PLAC8L1: variants seen among roughly 807,000 people sequenced by gnomAD.
PLAC8L1 encodes the protein PLAC8-like protein 1.
A neutral mutation model predicts 16.3 loss-of-function variants in PLAC8L1; 13 were observed. The observed-to-expected ratio is 0.80, with a 90% CI of 0.52 to 1.27. The LOEUF is 1.27. Ranked by LOEUF, PLAC8L1 falls within the 50% of genes most tolerant of loss-of-function variation. The probability of loss-of-function intolerance (pLI) is 0.00; values close to 1 mark genes in which losing one functional copy is unlikely to be tolerated. For synonymous variants in PLAC8L1, 78 were observed against 79.3 expected (o/e 0.98, Z 0.09); for missense variants, 184 against 220.2 (o/e 0.84, Z 1.04).
chr5:146,101,877 T>C (rs1763823748), intron 1 of PLAC8L1, among the ~76,000 whole-genome samples: 1 of 152,218 alleles, frequency 6.6e-6, no homozygotes, highest in African/African-American at 2.4e-5. Context: ...AGGGATTTCT[T>C]AGGGCAGCCT....
intron 3 of PLAC8L1, among the ~76,000 whole-genome samples, chr5:146,084,930 T>C (rs993909091): frequency 2.6e-5 from 4 of 152,184 alleles, no homozygotes; most frequent in Admixed American, 2.0e-4. Context: ...TAAGAAGGGA[T>C]AGGAAGCAAA....
intron 2 of PLAC8L1, among the ~76,000 whole-genome samples, chr5:146,085,964 A>G (rs939782921): frequency 6.6e-6 from 1 of 151,440 alleles, no homozygotes; most frequent in Admixed American, 6.6e-5. Flanking sequence ...TAAAATAAAC[A>G]TGGTATACAG....
chr5:146,103,920 T>A lies in PLAC8L1; in HGVS notation c.119+273A>T, dbSNP rs1021625240. ...TCAAAAGGGTGGAAATGATTGGCAGTCTCTAAAAATAAAGTTCCACTTGGT... is the reference window on the plus strand; with the variant it reads ...TCAAAAGGGTGGAAATGATTGGCAGACTCTAAAAATAAAGTTCCACTTGGT... On this transcript the variant is annotated intron_variant, in intron 1 of 3. Transcript: ENST00000311450. 22 of 985,298 alleles carry A rather than the reference T, an allele frequency of 2.2e-5. No individual in the cohort carries two copies. In the African/African-American group the frequency reaches 3.7e-4, roughly 16 times the overall value. The allele number at this position is 985,298 out of a possible 1,614,324, so 61.0% of individuals were successfully genotyped here.
chr5:146,093,465 C>T (rs916502730), intron 2 of PLAC8L1, among the ~76,000 whole-genome samples: 4 of 152,302 alleles, frequency 2.6e-5, no homozygotes, highest in South Asian at 2.1e-4. Flanking sequence ...GTCTTTGCCA[C>T]GCACGTTGCA....
At chr5:146,095,087 G>A (rs576895767) in intron 2 of PLAC8L1, among the ~76,000 whole-genome samples, 20 of 152,280 alleles carry the variant, frequency 1.3e-4, no homozygotes, top group Non-Finnish European at 1.9e-4. Flanking sequence ...AGCATTCTCA[G>A]AATTACAGTG....
Position 146,103,719 on chromosome 5 carries a change from T to A in PLAC8L1, c.119+474A>T, listed in dbSNP as rs1240462191. ...CTTTTTGACCTCACTCCATTCCTCT[T>A]CCTCTTCTAGCACAAGCCCTACCAT... is the stretch of plus-strand genomic sequence containing the variant. On this transcript the variant is annotated intron_variant, in intron 1 of 3. Coordinates refer to ENST00000311450, the MANE Select transcript of PLAC8L1 (RefSeq NM_001029869.3). 5.1e-6 allele frequency: 5 copies of A among 985,242 alleles called. No individual in the cohort carries two copies. The African/African-American group carries it at 8.7e-5, about 17-fold the overall frequency. The allele number at this position is 985,242 out of a possible 1,614,324, so 61.0% of individuals were successfully genotyped here.
intron 2 of PLAC8L1, among the ~76,000 whole-genome samples, chr5:146,095,235 G>A (rs1763690795): frequency 6.6e-6 from 1 of 152,152 alleles, no homozygotes; most frequent in Non-Finnish European, 1.5e-5. Flanking sequence ...AGATCACCTT[G>A]AACCCTATCC....
chr5:146,096,319 A>C (rs1053442691), intron 2 of PLAC8L1, among the ~76,000 whole-genome samples: 1 of 152,190 alleles, frequency 6.6e-6, no homozygotes, highest in Non-Finnish European at 1.5e-5. Flanking sequence ...TAAAGACTCT[A>C]TTTCCAAATG....
chr5:146,093,650 A>G (rs545681412), intron 2 of PLAC8L1, among the ~76,000 whole-genome samples: 2 of 152,308 alleles, frequency 1.3e-5, no homozygotes, highest in South Asian at 4.1e-4. Context: ...TATGGTCTAA[A>G]TGCTCTGCTG....
intron 2 of PLAC8L1, among the ~76,000 whole-genome samples, chr5:146,086,391 T>C (rs1763519036): frequency 6.6e-6 from 1 of 152,234 alleles, no homozygotes; most frequent in Non-Finnish European, 1.5e-5. Flanking sequence ...ATTCTATTTC[T>C]CAGACCAAGT....
chr5:146,095,538 T>A (rs1429592548), intron 2 of PLAC8L1, among the ~76,000 whole-genome samples: 1 of 152,230 alleles, frequency 6.6e-6, no homozygotes, highest in African/African-American at 2.4e-5. Context: ...GCCTTCTGAC[T>A]CATCTACTCT....
chr5:146,084,408 TA>T lies in PLAC8L1; in HGVS notation c.*23del. On this transcript the variant is annotated 3_prime_UTR_variant, in exon 4 of 4. Coordinates refer to ENST00000311450, the MANE Select transcript of PLAC8L1 (RefSeq NM_001029869.3). ...GGTTTGAGAGGAGGGTGTTGGGGAG[TA>T]AGGAGGAGGAGTTATCTTGCTGTCA... 6.2e-7 allele frequency: 1 copy of T among 1,609,482 alleles called. No individual in the cohort carries two copies.
chr5:146,088,347 C>T (rs1006204), intron 2 of PLAC8L1, among the ~76,000 whole-genome samples: 58,344 of 151,974 alleles, frequency 0.38, 11,578 homozygotes, highest in African/African-American at 0.45. Context: ...TGTGAAGTAG[C>T]CACCATTGTC....
chr5:146,084,952 G>A (rs6580408), intron 3 of PLAC8L1, among the ~76,000 whole-genome samples: 23 of 152,016 alleles, frequency 1.5e-4, no homozygotes, highest in South Asian at 2.1e-4. Flanking sequence ...AGTAAATCCC[G>A]CTCTCCAGCT....
chr5:146,084,512 C>A lies in PLAC8L1; in HGVS notation c.454G>T (p.Val152Leu). 1 of 1,614,180 alleles carries A rather than the reference C, an allele frequency of 6.2e-7. No homozygotes were observed. Among genetic ancestry groups the A allele is most frequent in the South Asian group, 1.1e-5 (1 of 91,088 alleles). ...GTCCTCATCTTGAGTTCCCGGGCCA[C>A]CTGGCAGATGGAAAAAGCCCAACAG... Reference protein sequence around the residue: ...HCCWAFSICQVARELKMRTSQ... With the variant: ...HCCWAFSICQLARELKMRTSQ... Residue 152 changes from valine (V) to leucine (L), a missense_variant, in exon 4 of 4, where the codon GTG becomes TTG. Physicochemically the swap from Val to Leu is conservative, Grantham distance 32 (BLOSUM62 1). Coordinates refer to ENST00000311450, the MANE Select transcript of PLAC8L1 (RefSeq NM_001029869.3).
At chr5:146,099,041 C>T (rs992132707) in intron 1 of PLAC8L1, among the ~76,000 whole-genome samples, 1 of 152,132 alleles carries the variant, frequency 6.6e-6, no homozygotes, top group Non-Finnish European at 1.5e-5. Context: ...GGTGGCTGGG[C>T]TTCAAAAGCG....
rs909056057 is a variant in PLAC8L1, at chr5:146,105,130, G to A, written c.-819C>T. The stretch of plus-strand genomic sequence containing the variant: ...GGAAATATCCTAAGACAAAAAATTA[G>A]GCAAAATTTCACGTTGAGGAAAGGG... On this transcript the variant is annotated 5_prime_UTR_variant, in exon 1 of 4. Transcript: ENST00000311450. 1.3e-5 allele frequency among the ~76,000 whole-genome samples: 2 copies of A among 152,032 alleles called. No individual in the cohort carries two copies. The highest frequency in any genetic ancestry group is 4.8e-5 in the African/African-American group (2 of 41,386).
At position 146,102,093 on chromosome 5, in the gene PLAC8L1, T is replaced by C. The variant is rs139345402; in HGVS notation, c.119+2100A>G. The stretch of plus-strand genomic sequence containing the variant: ...TTTTTTGAAACAGGGTCTTGCTCTG[T>C]CACCCAGGCTGGAGTTGAGCGGCAT... On this transcript the variant is annotated intron_variant, in intron 1 of 3. Coordinates refer to ENST00000311450, the MANE Select transcript of PLAC8L1 (RefSeq NM_001029869.3). Among the ~76,000 whole-genome samples the C allele has an allele frequency of 2.1e-3, 312 of 150,250 alleles. 3 individuals are homozygous for C. Among genetic ancestry groups the C allele is most frequent in the African/African-American group, 7.4e-3 (304 of 41,032 alleles).
In PLAC8L1 at chr5:146,104,935, T is replaced by C. The variant is rs1044523930; in HGVS notation, c.-624A>G. On this transcript the variant is annotated 5_prime_UTR_variant, in exon 1 of 4. Transcript: ENST00000311450. ...GCTCTTCCATTAACTTCATTGATAA[T>C]GCCAGGAAAGTGGCATTTCTTTCCT... 1.3e-5 allele frequency: 2 copies of C among 152,362 alleles called. No individual in the cohort carries two copies. Among genetic ancestry groups the C allele is most frequent in the Non-Finnish European group, 2.9e-5 (2 of 68,170 alleles). 9.4% of individuals were successfully genotyped at this position (152,362 alleles called of 1,614,324 possible). A position where few individuals can be genotyped will look rare whatever the true frequency, so the allele number is the denominator to read the frequency against.
Sources: allele counts gnomAD v4.1 joint callset (sites outside exome capture counted in the v4.1 genomes callset), GRCh38; gene constraint gnomAD v4.1.1; transcripts MANE v1.5; gene names NCBI Gene and HGNC (gene_info 2026-07-23, HGNC 2026-07-21).